Variants in GPC6 observed in about 807,000 individuals in gnomAD.
The protein encoded by GPC6 is glypican 6.
In GPC6, 14 loss-of-function variants were observed where a neutral mutation model predicts 55.2. The observed-to-expected ratio is 0.25, with a 90% confidence interval of 0.17 to 0.40. The LOEUF (loss-of-function observed/expected upper bound fraction) is 0.40, where lower values mean the gene tolerates loss of function less well. Among genes scored for constraint, GPC6 ranks in the 10% least tolerant of loss-of-function variants. GPC6 has a pLI of 1.00. For missense variants in GPC6, 641 were observed against 708.5 expected (o/e 0.90, Z 1.08); for synonymous variants, 278 against 259.6 (o/e 1.07, Z -0.68).
At chr13:93,846,697 C>T (rs1888193383) in intron 3 of GPC6, among the ~76,000 whole-genome samples, 2 of 152,034 alleles carry the variant, frequency 1.3e-5, no homozygotes, top group Admixed American at 1.3e-4. Flanking sequence ...ACCTGTAATC[C>T]CAGCTACTCG....
At chr13:94,296,760 A>G (rs2139099421) in intron 5 of GPC6, among the ~76,000 whole-genome samples, 1 of 152,162 alleles carries the variant, frequency 6.6e-6, no homozygotes, top group East Asian at 1.9e-4. Context: ...ATTTCAAACT[A>G]CCAACATAAT....
intron 2 of GPC6, among the ~76,000 whole-genome samples, chr13:93,573,511 A>G (rs1003117159): frequency 2.0e-5 from 3 of 152,178 alleles, no homozygotes; most frequent in African/African-American, 7.2e-5. Flanking sequence ...TTTAATGGAA[A>G]TGGGGCTTTT....
intron 3 of GPC6, among the ~76,000 whole-genome samples, chr13:94,012,792 A>G (rs1005584456): frequency 6.6e-6 from 1 of 152,238 alleles, no homozygotes; most frequent in African/African-American, 2.4e-5. Flanking sequence ...AAGCAGATCC[A>G]TTATAAGTAT....
At chr13:93,219,633 T>C in the GPC6 span, among the ~76,000 whole-genome samples, 1 of 152,354 alleles carries the variant, frequency 6.6e-6, no homozygotes, top group Non-Finnish European at 1.5e-5. Context: ...TAATATTGAA[T>C]GAATTTAATT....
chr13:93,742,694 A>G (rs1219787962), intron 2 of GPC6, among the ~76,000 whole-genome samples: 1 of 152,130 alleles, frequency 6.6e-6, no homozygotes, highest in Non-Finnish European at 1.5e-5. Flanking sequence ...ACTGTTATCA[A>G]AGATCATCAC....
intron 1 of GPC6, among the ~76,000 whole-genome samples, chr13:93,368,342 TTC>T (rs1491526463): frequency 1.3e-4 from 4 of 30,744 alleles, no homozygotes; most frequent in Non-Finnish European, 2.5e-4. Context: ...CCTGCTTTCC[TTC>T]CTTCCTTCCT....
At chr13:93,569,686 TTAA>T (rs1474575524) in intron 2 of GPC6, among the ~76,000 whole-genome samples, 1 of 152,074 alleles carries the variant, frequency 6.6e-6, no homozygotes, top group Non-Finnish European at 1.5e-5. Context: ...TAATAGCATA[TTAA>T]TAACTCATTA....
At chr13:93,334,505 C>T (rs977194104) in intron 1 of GPC6, among the ~76,000 whole-genome samples, 3 of 152,092 alleles carry the variant, frequency 2.0e-5, no homozygotes, top group Non-Finnish European at 4.4e-5. Context: ...CTCTGTTGCC[C>T]AGACTGGAGT....
intron 2 of GPC6, among the ~76,000 whole-genome samples, chr13:93,761,141 A>G (rs1055377188): frequency 1.3e-5 from 2 of 152,200 alleles, no homozygotes; most frequent in Non-Finnish European, 2.9e-5. Context: ...ATTTTTGAAG[A>G]AAATGATCAG....
chr13:93,975,458 A>G (rs1272542492), intron 3 of GPC6, among the ~76,000 whole-genome samples: 1 of 152,192 alleles, frequency 6.6e-6, no homozygotes, highest in Non-Finnish European at 1.5e-5. Flanking sequence ...GAGCTGGGTT[A>G]TGATTCAAGT....
intron 2 of GPC6, among the ~76,000 whole-genome samples, chr13:93,738,882 C>T (rs998798886): frequency 1.3e-5 from 2 of 151,936 alleles, no homozygotes; most frequent in South Asian, 4.2e-4. Flanking sequence ...TTGTTTTAGT[C>T]TGTCCTCCAA....
At chr13:94,303,158 G>T (rs1875750124) in intron 5 of GPC6, among the ~76,000 whole-genome samples, 1 of 152,226 alleles carries the variant, frequency 6.6e-6, no homozygotes, top group African/African-American at 2.4e-5. Flanking sequence ...GCAGTTGCAA[G>T]ATTTAATAGA....
intron 3 of GPC6, among the ~76,000 whole-genome samples, chr13:93,990,948 G>GGAAGGAAGGAAA (rs1282354842): frequency 4.1e-5 from 6 of 147,286 alleles, no homozygotes; most frequent in African/African-American, 1.6e-4. Flanking sequence ...GAGGAAGGAA[G>GGAAGGAAGGAAA]GAAGGAAGGA....
intron 2 of GPC6, among the ~76,000 whole-genome samples, chr13:93,674,636 C>T (rs1881507654): frequency 6.6e-6 from 1 of 152,152 alleles, no homozygotes; most frequent in Non-Finnish European, 1.5e-5. Context: ...AACACTCTTC[C>T]TTTCTGTTTG....
At chr13:94,156,543 G>A (rs9589914) in intron 4 of GPC6, among the ~76,000 whole-genome samples, 5,463 of 152,202 alleles carry the variant, frequency 0.036, 163 homozygotes, top group African/African-American at 0.075. Flanking sequence ...CACCCCAAAT[G>A]TGATAGTACT....
rs140668906 is a variant in GPC6, at chr13:93,267,028, T to C, written c.160+39412T>C. ...TACTTTAGTTTATTGCTTACTGATC[T>C]ATAAAGAAAATAACTTGTAAAACCC... On this transcript the variant is annotated intron_variant, in intron 1 of 8. Coordinates refer to ENST00000377047, the MANE Select transcript of GPC6 (RefSeq NM_005708.5). Among the ~76,000 whole-genome samples the C allele has an allele frequency of 1.1e-4, 17 of 152,310 alleles. No individual in the cohort carries two copies. The East Asian group carries it at 3.3e-3, about 29-fold the overall frequency.
At chr13:94,097,284 C>G (rs1885697456) in intron 4 of GPC6, among the ~76,000 whole-genome samples, 1 of 151,882 alleles carries the variant, frequency 6.6e-6, no homozygotes, top group Non-Finnish European at 1.5e-5. Context: ...GGGTGGATCA[C>G]GAGGTCAGGA....
intron 2 of GPC6, among the ~76,000 whole-genome samples, chr13:93,821,238 C>T (rs1490935282): frequency 6.6e-6 from 1 of 152,106 alleles, no homozygotes; most frequent in Admixed American, 6.5e-5. Flanking sequence ...GAAAACCATT[C>T]TTAGCTCACA....
chr13:94,387,733 TC>T (rs2139214363), intron 7 of GPC6, among the ~76,000 whole-genome samples: 1 of 124,804 alleles, frequency 8.0e-6, no homozygotes, highest in African/African-American at 2.9e-5. Flanking sequence ...CATGAGTTTC[TC>T]TCTCTCTCTC....
Sources: allele counts gnomAD v4.1 joint callset (sites outside exome capture counted in the v4.1 genomes callset), GRCh38; gene constraint gnomAD v4.1.1; transcripts MANE v1.5; gene names NCBI Gene and HGNC (gene_info 2026-07-23, HGNC 2026-07-21).